SMAD2: variants seen among roughly 807,000 people sequenced by gnomAD.
SMAD2 encodes the protein MAD homolog 2.
In SMAD2, 8 loss-of-function variants were observed where a neutral mutation model predicts 64.4. The observed-to-expected ratio is 0.12, with a 90% confidence interval of 0.07 to 0.22. The LOEUF (loss-of-function observed/expected upper bound fraction) is 0.22. SMAD2 is among the 10% of genes least tolerant of loss of function. The pLI is 1.00. For missense variants in SMAD2, 289 were observed against 561.2 expected, an observed-to-expected ratio of 0.51 and a Z score of 4.90; for synonymous variants, 203 against 195.8, an observed-to-expected ratio of 1.04 and a Z score of -0.31.
At chr18:47,921,324 G>A (rs767056730) in intron 1 of SMAD2, among the ~76,000 whole-genome samples, 1 of 152,164 alleles carries the variant, frequency 6.6e-6, no homozygotes, top group Non-Finnish European at 1.5e-5. Context: ...GTTCATAGAT[G>A]CATAAAATCT....
intron 2 of SMAD2, among the ~76,000 whole-genome samples, chr18:47,879,043 G>A (rs934703245): frequency 1.3e-5 from 2 of 152,206 alleles, no homozygotes; most frequent in African/African-American, 4.8e-5. Context: ...GCCGAGACTT[G>A]AGCCCAGTAG....
At chr18:47,914,713 T>C (rs1160844233) in intron 1 of SMAD2, among the ~76,000 whole-genome samples, 1 of 152,178 alleles carries the variant, frequency 6.6e-6, no homozygotes, top group African/African-American at 2.4e-5. Context: ...TTGTTCACAC[T>C]TAACATCAAT....
At chr18:47,922,624 C>G (rs1159223427) in intron 1 of SMAD2, 1 of 152,040 alleles carries the variant, frequency 6.6e-6, no homozygotes, top group Non-Finnish European at 1.5e-5. Flanking sequence ...TCTGTGGAGA[C>G]CGAGATTTTT....
At chr18:47,906,834 C>T (rs1305503439) in intron 1 of SMAD2, among the ~76,000 whole-genome samples, 1 of 152,114 alleles carries the variant, frequency 6.6e-6, no homozygotes, top group African/African-American at 2.4e-5. Context: ...TCTCTGCTTC[C>T]ATCGTCACAC....
At chr18:47,853,553 G>A (rs1000610995) in intron 6 of SMAD2, 7 of 179,852 alleles carry the variant, frequency 3.9e-5, no homozygotes, top group Non-Finnish European at 7.9e-5. Flanking sequence ...GAGTAAGATA[G>A]GTCAGACCAT....
In SMAD2 at chr18:47,817,988, C is replaced by G. The variant is rs1473207635; in HGVS notation, c.*23839G>C. The G allele has an allele frequency of 1.3e-5, 2 of 152,216 alleles. No homozygotes were observed. Among genetic ancestry groups the G allele is most frequent in the East Asian group, 3.8e-4 (2 of 5,204 alleles). 9.4% of individuals were successfully genotyped at this position (152,216 alleles called of 1,614,324 possible). ...TTAAGGCATGCCTGCTTTTCTGGGACTTCAGGTCAGCTATGTGGCTTTTCC... is the reference window on the plus strand; with the variant it reads ...TTAAGGCATGCCTGCTTTTCTGGGAGTTCAGGTCAGCTATGTGGCTTTTCC... On this transcript the variant is annotated 3_prime_UTR_variant, in exon 11 of 11. Transcript: ENST00000262160.
chr18:47,909,424 A>G (rs1194450309), intron 1 of SMAD2, among the ~76,000 whole-genome samples: 1 of 152,204 alleles, frequency 6.6e-6, no homozygotes. Context: ...CCTAGGCACC[A>G]TTAAGAAAAT....
intron 1 of SMAD2, among the ~76,000 whole-genome samples, chr18:47,915,606 T>C (rs745820250): frequency 6.6e-6 from 1 of 152,214 alleles, no homozygotes; most frequent in Non-Finnish European, 1.5e-5. Flanking sequence ...ACATTTTACA[T>C]GCAACCTAGT....
At position 47,822,726 on chromosome 18, in the gene SMAD2, C is replaced by G. The variant is rs527275993; in HGVS notation, c.*19101G>C. ...ACGGAGTCTCGCTCTGTTGCCCCAG[C>G]TGGAATGCAGTGGCACGATCTTGTT... is the stretch of plus-strand genomic sequence containing the variant. On this transcript the variant is annotated 3_prime_UTR_variant, in exon 11 of 11. Coordinates refer to ENST00000262160, the MANE Select transcript of SMAD2 (RefSeq NM_005901.6). 91 of 152,394 alleles carry G rather than the reference C, an allele frequency of 6.0e-4. No individual in the cohort carries two copies. Among genetic ancestry groups the G allele is most frequent in the African/African-American group, 2.1e-3 (88 of 41,602 alleles). 9.4% of individuals were successfully genotyped at this position (152,394 alleles called of 1,614,324 possible). A position where few individuals can be genotyped will look rare whatever the true frequency, so the allele number is the denominator to read the frequency against.
intron 2 of SMAD2, among the ~76,000 whole-genome samples, chr18:47,881,632 G>A (rs1040459133): frequency 6.6e-6 from 1 of 152,050 alleles, no homozygotes; most frequent in Non-Finnish European, 1.5e-5. Context: ...AAAATAATAA[G>A]GACACAAGAG....
rs927218279 is a variant in SMAD2 at position 47,841,752 on chromosome 18, A to G, written c.*75T>C. 1.9e-6 allele frequency: 3 copies of G among 1,569,890 alleles called. No homozygotes were observed. In the African/African-American group the frequency reaches 4.0e-5, roughly 21 times the overall value. ...TGAACTTTTGGATAGTAAACAGTCC[A>G]TAGGGACCACACACAATGCTATGAC... On this transcript the variant is annotated 3_prime_UTR_variant, in exon 11 of 11. Transcript: ENST00000262160.
At chr18:47,911,688 G>A (rs1337360319) in intron 1 of SMAD2, among the ~76,000 whole-genome samples, 3 of 152,172 alleles carry the variant, frequency 2.0e-5, no homozygotes, top group Non-Finnish European at 2.9e-5. Flanking sequence ...GGGAAAGTGA[G>A]GTTTGCATAG....
chr18:47,876,884 T>C (rs1268852129), intron 2 of SMAD2, among the ~76,000 whole-genome samples: 1 of 152,120 alleles, frequency 6.6e-6, no homozygotes, highest in Non-Finnish European at 1.5e-5. Context: ...TTGGTCAATT[T>C]ACTACTTTTT....
At chr18:47,882,014 A>T (rs2144419974) in intron 2 of SMAD2, among the ~76,000 whole-genome samples, 1 of 129,764 alleles carries the variant, frequency 7.7e-6, no homozygotes, top group East Asian at 2.4e-4. Context: ...AATAACTGAA[A>T]CCACAGGAAT....
Position 47,837,877 on chromosome 18 carries a change from T to G in SMAD2, c.*3950A>C, listed in dbSNP as rs535315830. 1 of 232,888 alleles carries G rather than the reference T, an allele frequency of 4.3e-6. No homozygotes were observed. The highest frequency in any genetic ancestry group is 1.8e-4 in the South Asian group (1 of 5,522). The allele number at this position is 232,888 out of a possible 1,614,324, so 14.4% of individuals were successfully genotyped here. A position where few individuals can be genotyped will look rare whatever the true frequency, so the allele number is the denominator to read the frequency against. On this transcript the variant is annotated 3_prime_UTR_variant, in exon 11 of 11. Coordinates refer to ENST00000262160, the MANE Select transcript of SMAD2 (RefSeq NM_005901.6). ...CAGCTTTTAAAGTAAAGACTGTACA[T>G]GAAGACATATTTTATGTACAGTGAA... is the stretch of plus-strand genomic sequence containing the variant.
rs1311099382 is a variant in SMAD2 at position 47,930,565 on chromosome 18, TAGGGGAAGAGAGGGGAGGGG to T, written c.-278_-259del. ...CCGGCGGCCCGGGCGCGCGGGAGGG[TAGGGGAAGAGAGGGGAGGGG>T]AGGGGAGGAGAGGGAAGGGGAGGGG... On this transcript the variant is annotated 5_prime_UTR_variant, in exon 1 of 11. Transcript: ENST00000262160. The T allele has an allele frequency of 1.7e-4, 19 of 111,538 alleles. No individual in the cohort carries two copies. The highest frequency in any genetic ancestry group is 3.2e-4 in the Non-Finnish European group (17 of 52,974). 6.9% of individuals were successfully genotyped at this position (111,538 alleles called of 1,614,324 possible). A position where few individuals can be genotyped will look rare whatever the true frequency, so the allele number is the denominator to read the frequency against.
chr18:47,851,904 G>C (rs1216243988), intron 6 of SMAD2, among the ~76,000 whole-genome samples: 1 of 152,126 alleles, frequency 6.6e-6, no homozygotes, highest in Non-Finnish European at 1.5e-5. Flanking sequence ...CATTCTTCAA[G>C]AAACTGCCAG....
chr18:47,889,655 C>T (rs903619674), intron 2 of SMAD2, among the ~76,000 whole-genome samples: 7 of 151,888 alleles, frequency 4.6e-5, no homozygotes, highest in African/African-American at 1.7e-4. Flanking sequence ...CCTGTAGTCC[C>T]AGCTACTCAG....
rs1371997220 is a variant in SMAD2, at chr18:47,930,401, G to T, written c.-94C>A. The T allele has an allele frequency of 2.0e-5, 3 of 152,354 alleles. No individual in the cohort carries two copies. Among genetic ancestry groups the T allele is most frequent in the African/African-American group, 4.8e-5 (2 of 41,546 alleles). 9.4% of individuals were successfully genotyped at this position (152,354 alleles called of 1,614,324 possible). ...AGGTCCCGCCCCGTCAGATCCGGGG[G>T]GTCCGGGACCTTTTGTTCCTTCCTC... On this transcript the variant is annotated 5_prime_UTR_variant, in exon 1 of 11. Coordinates refer to ENST00000262160, the MANE Select transcript of SMAD2 (RefSeq NM_005901.6).
Sources: gnomAD v4.1 joint callset for allele counts (sites outside exome capture counted in the v4.1 genomes callset) on GRCh38, gnomAD v4.1.1 for gene constraint, MANE v1.5 for transcripts, NCBI Gene and HGNC (gene_info 2026-07-23, HGNC 2026-07-21) for gene names.